The following EYS variants were observed in gnomAD, a reference collection of about 807,000 sequenced individuals.
The protein encoded by EYS is protein eyes shut homolog.
EYS carries 250 observed loss-of-function variants against 282.1 expected under a neutral mutation model. That is an observed-to-expected ratio of 0.89 (90% CI 0.80 to 0.98). The LOEUF (loss-of-function observed/expected upper bound fraction) is 0.98. Among genes scored for constraint, EYS ranks in the 50% least tolerant of loss-of-function variants. The probability of loss-of-function intolerance (pLI) is 0.00; values close to 1 mark genes in which losing one functional copy is unlikely to be tolerated. For synonymous variants in EYS, 1,355 were observed against 1,282.9 expected (o/e 1.06, Z -1.20); for missense variants, 4,016 against 3,709.0 (o/e 1.08, Z -2.15).
At chr6:64,878,746 G>A (rs953370532) in intron 19 of EYS, among the ~76,000 whole-genome samples, 1 of 149,444 alleles carries the variant, frequency 6.7e-6, no homozygotes, top group African/African-American at 2.5e-5. Flanking sequence ...CTGGGAACAT[G>A]GGAAATAAGG....
intron 26 of EYS, among the ~76,000 whole-genome samples, chr6:64,469,427 T>C (rs896538877): frequency 6.6e-6 from 1 of 152,144 alleles, no homozygotes; most frequent in African/African-American, 2.4e-5. Flanking sequence ...TAGTAGTACT[T>C]ACTCTTTATT....
At chr6:64,790,580 A>G (rs1020253924) in intron 22 of EYS, among the ~76,000 whole-genome samples, 1 of 151,980 alleles carries the variant, frequency 6.6e-6, no homozygotes, top group African/African-American at 2.4e-5. Flanking sequence ...TAACAGTTTT[A>G]TGTCACTAAA....
intron 19 of EYS, among the ~76,000 whole-genome samples, chr6:64,884,390 C>T (rs550989557): frequency 2.3e-4 from 35 of 151,412 alleles, no homozygotes; most frequent in Middle Eastern, 6.8e-3. Flanking sequence ...TATTTTGGTT[C>T]CGGCTCTGTC....
intron 12 of EYS, among the ~76,000 whole-genome samples, chr6:65,219,722 GAAAAATAGGTTT>G (rs1766410988): frequency 6.6e-6 from 1 of 152,050 alleles, no homozygotes; most frequent in African/African-American, 2.4e-5. Flanking sequence ...AATTTATAAA[GAAAAATAGGTTT>G]AATGGACTCA....
chr6:65,429,398 G>A (rs992498944), intron 5 of EYS, among the ~76,000 whole-genome samples: 8 of 152,106 alleles, frequency 5.3e-5, no homozygotes, highest in East Asian at 3.9e-4. Flanking sequence ...AAACAAAACA[G>A]TGAGGCAGAG....
At chr6:64,105,028 T>C (rs181193013) in intron 31 of EYS, among the ~76,000 whole-genome samples, 104 of 150,810 alleles carry the variant, frequency 6.9e-4, no homozygotes, top group African/African-American at 2.5e-3. Context: ...GAGAGATGAA[T>C]GAATGAGAGA....
chr6:63,808,764 G>A (rs1406395554), intron 36 of EYS, among the ~76,000 whole-genome samples: 2 of 152,178 alleles, frequency 1.3e-5, no homozygotes, highest in Non-Finnish European at 2.9e-5. Flanking sequence ...TCTTAGTCTA[G>A]TGGTACCTGC....
intron 8 of EYS, among the ~76,000 whole-genome samples, chr6:65,371,559 C>T (rs774011109): frequency 6.6e-6 from 1 of 151,818 alleles, no homozygotes; most frequent in African/African-American, 2.4e-5. Context: ...TGCCTGAGTT[C>T]TTATGGGAAC....
chr6:65,564,188 C>G (rs1032243848), intron 2 of EYS, among the ~76,000 whole-genome samples: 1 of 152,020 alleles, frequency 6.6e-6, no homozygotes, highest in African/African-American at 2.4e-5. Flanking sequence ...GAAAAAATGG[C>G]CATACTGCCC....
rs537691501 is a variant in EYS, at chr6:63,941,404, T to C, written c.7055+42979A>G. On this transcript the variant is annotated intron_variant, in intron 35 of 42. Coordinates refer to ENST00000503581, the MANE Select transcript of EYS (RefSeq NM_001142800.2). ...ATTGGTGTGAGATGGTATCTCATTA[T>C]GGTTTTGATTTGCATTTCTCTGATG... Among the ~76,000 whole-genome samples the C allele has an allele frequency of 8.8e-4, 134 of 152,354 alleles. 1 individual carries two copies. Among genetic ancestry groups the C allele is most frequent in the African/African-American group, 3.1e-3 (130 of 41,594 alleles).
rs535882960 is a variant in EYS, at chr6:64,981,491, G to A, written c.2259+16091C>T. ...TTCCATTTCTTGACAGATCAAACAT[G>A]CCCTTCTTACCTTCTTCTAACCACC... On this transcript the variant is annotated intron_variant, in intron 14 of 42. Transcript: ENST00000503581. 1.6e-3 allele frequency among the ~76,000 whole-genome samples: 238 copies of A among 151,078 alleles called. 2 individuals carry two copies. Among genetic ancestry groups the A allele is most frequent in the Non-Finnish European group, 2.6e-3 (174 of 67,408 alleles).
intron 22 of EYS, among the ~76,000 whole-genome samples, chr6:64,650,412 T>A (rs908789767): frequency 3.9e-5 from 6 of 152,006 alleles, no homozygotes; most frequent in African/African-American, 7.2e-5. Context: ...AGAAAACTTT[T>A]AGCCAGTGTG....
intron 28 of EYS, among the ~76,000 whole-genome samples, chr6:64,409,960 G>A (rs1773833133): frequency 6.6e-6 from 1 of 152,012 alleles, no homozygotes. Flanking sequence ...TATATAGCCT[G>A]GGTTTAAAAA....
At chr6:64,393,051 G>C (rs9345047) in intron 28 of EYS, among the ~76,000 whole-genome samples, 42,147 of 151,910 alleles carry the variant, frequency 0.28, 5,965 homozygotes, top group East Asian at 0.46. Flanking sequence ...TAAATTCCTC[G>C]ACACATACAC....
chr6:64,407,061 A>G (rs868697872), intron 28 of EYS, among the ~76,000 whole-genome samples: 23 of 152,208 alleles, frequency 1.5e-4, no homozygotes, highest in African/African-American at 5.1e-4. Context: ...ATGCCCATCA[A>G]TGATGGAATG....
chr6:65,072,824 G>T (rs1561951988), intron 12 of EYS, among the ~76,000 whole-genome samples: 2 of 150,930 alleles, frequency 1.3e-5, no homozygotes. Context: ...AAAAAATCAA[G>T]TAAAAAGGAA....
At chr6:64,087,775 A>G (rs1476364430) in intron 31 of EYS, among the ~76,000 whole-genome samples, 1 of 152,142 alleles carries the variant, frequency 6.6e-6, no homozygotes, top group Admixed American at 6.5e-5. Flanking sequence ...ACTATTGATA[A>G]GTCCACCAGA....
At chr6:63,769,504 C>T (rs1769879822) in intron 40 of EYS, among the ~76,000 whole-genome samples, 1 of 152,030 alleles carries the variant, frequency 6.6e-6, no homozygotes, top group Non-Finnish European at 1.5e-5. Context: ...TGTTATGTAT[C>T]CTTAATTGTC....
In EYS at chr6:65,057,177, CA is replaced by C. The variant is rs1416992171; in HGVS notation, c.2137+436del. 2.6e-5 allele frequency among the ~76,000 whole-genome samples: 4 copies of C among 151,982 alleles called. No homozygotes were observed. The East Asian group carries it at 7.8e-4, about 30-fold the overall frequency. On this transcript the variant is annotated intron_variant, in intron 13 of 42. Transcript: ENST00000503581. ...TTGTTTAGTTTATGGAGAAAAAATA[CA>C]ATTCCTGAACTGAAGTTGAAGAAAT... is the stretch of plus-strand genomic sequence containing the variant.
Sources: allele counts gnomAD v4.1 joint callset (sites outside exome capture counted in the v4.1 genomes callset), GRCh38; gene constraint gnomAD v4.1.1; transcripts MANE v1.5; gene names NCBI Gene and HGNC (gene_info 2026-07-23, HGNC 2026-07-21).